The following MAN2C1 variants were observed in gnomAD, a reference collection of about 807,000 sequenced individuals.
MAN2C1 encodes alpha-mannosidase 2C1.
MAN2C1 carries 111 observed loss-of-function variants against 126.9 expected under a neutral mutation model. The observed-to-expected ratio is 0.87, with a 90% CI of 0.75 to 1.02. The LOEUF is 1.02. Among genes scored for constraint, MAN2C1 ranks in the 50% least tolerant of loss-of-function variants. MAN2C1 has a pLI of 0.00. For missense variants in MAN2C1, 1,363 were observed against 1,364.4 expected, an observed-to-expected ratio of 1.00 and a Z score of 0.02; for synonymous variants, 567 against 561.5, an observed-to-expected ratio of 1.01 and a Z score of -0.14.
rs112334378 is a variant in MAN2C1 at position 75,364,164 on chromosome 15, T to A, written c.625A>T (p.Ser209Cys). 17 of 1,611,316 alleles carry A rather than the reference T, an allele frequency of 1.1e-5. No individual in the cohort carries two copies. Among genetic ancestry groups the A allele is most frequent in the African/African-American group, 9.4e-5 (7 of 74,850 alleles). Residue 209 changes from serine to cysteine, a missense_variant, in exon 6 of 26, where the codon AGC becomes TGC. Transcript: ENST00000267978. ...AKGLGKDNQR[S>C]FQALYTANQM... ...TTGGCTGTGTACAGGGCCTGGAAGC[T>A]GCGCTGGTTGTCCTTCCCGAGGCCC... is the stretch of plus-strand genomic sequence containing the variant.
In MAN2C1 at chr15:75,362,386, C is replaced by A; in HGVS notation, c.965G>T (p.Cys322Phe). 6.2e-7 allele frequency: 1 copy of A among 1,613,976 alleles called. No homozygotes were observed. The highest frequency in any genetic ancestry group is 8.5e-7 in the Non-Finnish European group (1 of 1,180,026). The change falls in exon 8 of 26, where the codon TGC (cysteine) becomes TTC (phenylalanine). Residue 322 changes from cysteine (C) to phenylalanine (F), a missense_variant. Transcript: ENST00000267978. The surrounding 1 kb of genome is among the most constrained non-coding windows in gnomAD (Gnocchi z 4.5). ...CCCCACAGGCACAAACTGCCCACGG[C>A]ACGCAAACTCCTGGATGCGGGAGTA... is the stretch of plus-strand genomic sequence containing the variant. The part of the protein sequence containing the change: ...GLYSRIQEFA[C>F]RGQFVPVGGT...
chr15:75,363,808 A>C, intron 6 of MAN2C1, 191 bp downstream of exon 6: 2 of 502,932 alleles, frequency 4.0e-6, no homozygotes, highest in Non-Finnish European at 6.8e-6. Context: ...CTCCGTCTCA[A>C]AAAAAAAAAA....
chr15:75,362,407 G>T lies in MAN2C1; in HGVS notation c.944C>A (p.Ser315Tyr), dbSNP rs542694468. The T allele has an allele frequency of 8.8e-5, 142 of 1,613,888 alleles. 2 individuals are homozygous for T. In the South Asian group the frequency reaches 1.4e-3, roughly 16 times the overall value. ...WVKSRYPGLY[S>Y]RIQEFACRGQ... ...ACGGCACGCAAACTCCTGGATGCGG[G>T]AGTACAGGCCAGGGTAGCGGCTCTT... The change falls in exon 8 of 26, where the codon TCC becomes TAC. Residue 315 changes from serine to tyrosine, a missense_variant. This residue lies in a region of MAN2C1 where 628 missense variants were observed against 609.8 expected (regional missense o/e 1.03). Coordinates refer to ENST00000267978, the MANE Select transcript of MAN2C1 (RefSeq NM_006715.4). The surrounding 1 kb of genome is among the most constrained non-coding windows in gnomAD (Gnocchi z 4.5).
chr15:75,356,078 G>T lies in MAN2C1; in HGVS notation c.2996+32C>A, dbSNP rs186846962. On this transcript the variant is annotated intron_variant, in intron 25 of 25. Coordinates refer to ENST00000267978, the MANE Select transcript of MAN2C1 (RefSeq NM_006715.4). The surrounding 1 kb of genome is among the most constrained non-coding windows in gnomAD (Gnocchi z 5.8). ...TGAAGGCTCTGCGAGGGCGAGACTC[G>T]ACCCCCGCCCCAATCCCACACCGCC... 2.5e-6 allele frequency: 4 copies of T among 1,613,302 alleles called. No individual in the cohort carries two copies. In the South Asian group the frequency reaches 4.4e-5, roughly 18 times the overall value.
rs1567280233 is a variant in MAN2C1 at position 75,361,439 on chromosome 15, C to A, written c.1219-58G>T. On this transcript the variant is annotated intron_variant, in intron 10 of 25. Transcript: ENST00000267978. This position sits in a 1 kb window ranked among gnomAD's most constrained non-coding sequence, Gnocchi z 5.0. ...GGCCAGAGTCAGGGCTGAGGCAGAG[C>A]CAGGCCTTCCAGACTTGGTCCTGCC... 1.4e-6 allele frequency: 2 copies of A among 1,399,094 alleles called. No individual in the cohort carries two copies. The highest frequency in any genetic ancestry group is 4.7e-5 in the East Asian group (2 of 42,634). The allele number at this position is 1,399,094 out of a possible 1,614,324, so 86.7% of individuals were successfully genotyped here. A position where few individuals can be genotyped will look rare whatever the true frequency, so the allele number is the denominator to read the frequency against.
chr15:75,358,061 A>G, intron 21 of MAN2C1, 140 bp downstream of exon 21: 1 of 1,080,030 alleles, frequency 9.3e-7, no homozygotes, highest in Non-Finnish European at 1.3e-6. Context: ...TGCCAATGTA[A>G]AGCATTTAGT....
chr15:75,362,396 C>T lies in MAN2C1; in HGVS notation c.955G>A (p.Glu319Lys), dbSNP rs1431249678. 1 of 1,613,944 alleles carries T rather than the reference C, an allele frequency of 6.2e-7. No homozygotes were observed. The highest frequency in any genetic ancestry group is 2.2e-5 in the East Asian group (1 of 44,888). Residue 319 changes from glutamate (E) to lysine (K), a missense_variant, in exon 8 of 26, where the codon GAG becomes AAG. Physicochemically the swap from Glu to Lys is moderately conservative, Grantham distance 56. Coordinates refer to ENST00000267978, the MANE Select transcript of MAN2C1 (RefSeq NM_006715.4). The surrounding 1 kb of genome is among the most constrained non-coding windows in gnomAD (Gnocchi z 4.5). The part of the protein sequence containing the change: ...RYPGLYSRIQ[E>K]FACRGQFVPV... Reference sequence around the variant, plus strand: ...ACAAACTGCCCACGGCACGCAAACTCCTGGATGCGGGAGTACAGGCCAGGG... The same window carrying T: ...ACAAACTGCCCACGGCACGCAAACTTCTGGATGCGGGAGTACAGGCCAGGG...
chr15:75,367,422 G>A (rs2072596429), intron 3 of MAN2C1, 89 bp downstream of exon 3: 3 of 1,517,918 alleles, frequency 2.0e-6, no homozygotes, highest in African/African-American at 1.4e-5. Context: ...CAACTCAGCT[G>A]TGGCTTCTCC....
At chr15:75,358,958 C>T in intron 18 of MAN2C1, 101 bp downstream of exon 18, 2 of 1,535,894 alleles carry the variant, frequency 1.3e-6, no homozygotes, top group East Asian at 2.3e-5. Context: ...AGCCCAGAGC[C>T]ACTGGTGGGC....
chr15:75,359,867 G>T (rs1269781638), intron 15 of MAN2C1, 36 bp downstream of exon 15: 1 of 1,611,480 alleles, frequency 6.2e-7, no homozygotes. Context: ...CAGCCCTGGG[G>T]TTGGAGAGAG....
rs781126415 is a variant in MAN2C1, at chr15:75,356,237, T to C, written c.2887-18A>G. On this transcript the variant is annotated intron_variant, in intron 24 of 25. Transcript: ENST00000267978. This position sits in a 1 kb window ranked among gnomAD's most constrained non-coding sequence, Gnocchi z 5.8. ...CTCTCCGCCTGCAGAGGAACACGTCTGGTGGGAGGGGCCGAGGGCAGGCCC... is the reference window on the plus strand; with the variant it reads ...CTCTCCGCCTGCAGAGGAACACGTCCGGTGGGAGGGGCCGAGGGCAGGCCC... 6.2e-7 allele frequency: 1 copy of C among 1,612,786 alleles called. No individual in the cohort carries two copies. Among genetic ancestry groups the C allele is most frequent in the South Asian group, 1.1e-5 (1 of 90,964 alleles).
rs776629646 is a variant in MAN2C1 at position 75,356,195 on chromosome 15, A to AGCG, written c.2908_2910dup (p.Arg970dup). 6.2e-7 allele frequency: 1 copy of AGCG among 1,613,382 alleles called. No homozygotes were observed. The highest frequency in any genetic ancestry group is 8.5e-7 in the Non-Finnish European group (1 of 1,179,920). On this transcript the variant is annotated inframe_insertion, in exon 25 of 26. Coordinates refer to ENST00000267978, the MANE Select transcript of MAN2C1 (RefSeq NM_006715.4). The surrounding 1 kb of genome is among the most constrained non-coding windows in gnomAD (Gnocchi z 5.8). ...GCCTCATACAGCCTCAGGACCAGCG[A>AGCG]GCGGCGCTGGGGGCTGCTCTCCGCC...
chr15:75,367,682 G>A, intron 2 of MAN2C1, 48 bp from the exon 3 acceptor site: 1 of 1,605,904 alleles, frequency 6.2e-7, no homozygotes, highest in Non-Finnish European at 8.5e-7. Context: ...GTCCTATCCT[G>A]ATATCCTTCC....
rs771521417 is a variant in MAN2C1 at position 75,356,283 on chromosome 15, G to A, written c.2886+18C>T. 4 of 1,611,860 alleles carry A rather than the reference G, an allele frequency of 2.5e-6. No individual in the cohort carries two copies. The South Asian group carries it at 3.3e-5, about 13-fold the overall frequency. On this transcript the variant is annotated intron_variant, in intron 24 of 25. Coordinates refer to ENST00000267978, the MANE Select transcript of MAN2C1 (RefSeq NM_006715.4). The surrounding 1 kb of genome is among the most constrained non-coding windows in gnomAD (Gnocchi z 5.8). ...GGCCCAGTTCGGAACCCCGTCCCCAGCACGTCCCACCCCTTGCCTGCTTGA... is the reference window on the plus strand; with the variant it reads ...GGCCCAGTTCGGAACCCCGTCCCCAACACGTCCCACCCCTTGCCTGCTTGA...
Position 75,366,404 on chromosome 15 carries a change from G to A in MAN2C1, c.422+118C>T, listed in dbSNP as rs187593709. The A allele has an allele frequency of 1.2e-4, 91 of 789,686 alleles. No individual in the cohort carries two copies. The East Asian group carries it at 2.4e-3, about 21-fold the overall frequency. 48.9% of individuals were successfully genotyped at this position (789,686 alleles called of 1,614,324 possible). ...CTTTTAAAAGCAAACAATGAGATGT[G>A]AGGATGATTGTGCTAGAGCAGAGGC... On this transcript the variant is annotated intron_variant, in intron 4 of 25. Coordinates refer to ENST00000267978, the MANE Select transcript of MAN2C1 (RefSeq NM_006715.4).
intron 13 of MAN2C1, 119 bp from the exon 14 acceptor site, chr15:75,360,330 C>T: frequency 6.9e-7 from 1 of 1,442,964 alleles, no homozygotes; most frequent in South Asian, 1.3e-5. Context: ...GAGAAGGCCT[C>T]TGGCGGGTGA....
At position 75,359,052 on chromosome 15, in the gene MAN2C1, T is replaced by A; in HGVS notation, c.2141+7A>T. 1 of 1,613,630 alleles carries A rather than the reference T, an allele frequency of 6.2e-7. No individual in the cohort carries two copies. The highest frequency in any genetic ancestry group is 8.5e-7 in the Non-Finnish European group (1 of 1,179,892). ...GGCACTGGGAAAGGGCAATGAGGAT[T>A]TGGCACCTGCCAGAGGCCACCAGGA... On this transcript the variant is annotated splice_region_variant and intron_variant, in intron 18 of 25. Coordinates refer to ENST00000267978, the MANE Select transcript of MAN2C1 (RefSeq NM_006715.4).
chr15:75,368,236 G>T lies in MAN2C1; in HGVS notation c.102-38C>A, dbSNP rs759166087. 2.3e-5 allele frequency: 36 copies of T among 1,566,046 alleles called. 1 individual carries two copies. The South Asian group carries it at 3.8e-4, about 17-fold the overall frequency. ...GGCCGGTGGGCACATGCTGGAGGCC[G>T]CCCCGTTTCCGCCTGGGGGCCAGCT... On this transcript the variant is annotated intron_variant, in intron 1 of 25. Transcript: ENST00000267978.
chr15:75,367,807 C>G, intron 2 of MAN2C1, 173 bp from the exon 3 acceptor site: 1 of 921,362 alleles, frequency 1.1e-6, no homozygotes, highest in Non-Finnish European at 1.6e-6. Context: ...ATGAGGGAAA[C>G]AGGCAGAGGC....
Sources: gnomAD v4.1 joint callset for allele counts on GRCh38, gnomAD v4.1.1 for gene constraint, gnomAD v4.1.1 regional missense constraint, Gnocchi (gnomAD v3.1) non-coding constraint, MANE v1.5 for transcripts, NCBI Gene and HGNC (gene_info 2026-07-23, HGNC 2026-07-21) for gene names.